Variants in KAZN observed in about 807,000 individuals in gnomAD.
The protein encoded by KAZN is kazrin, periplakin interacting protein, also known as kazrin.
Under a neutral mutation model 87.4 loss-of-function variants are expected in KAZN, and 40 were observed. The observed-to-expected ratio is 0.46, with a 90% CI of 0.36 to 0.60. The LOEUF (loss-of-function observed/expected upper bound fraction) is 0.60, where lower values mean the gene tolerates loss of function less well. Among genes scored for constraint, KAZN ranks in the 20% least tolerant of loss-of-function variants. KAZN has a pLI of 0.00. For missense variants in KAZN, 898 were observed against 1,073.9 expected (o/e 0.84, Z 2.29); for synonymous variants, 466 against 458.3 (o/e 1.02, Z -0.22).
intron 1 of KAZN, among the ~76,000 whole-genome samples, chr1:14,763,719 A>T (rs911038314): frequency 6.6e-6 from 1 of 152,036 alleles, no homozygotes; most frequent in African/African-American, 2.4e-5. Flanking sequence ...TAAGGGGGAG[A>T]TGGGATGTAG....
intron 2 of KAZN, among the ~76,000 whole-genome samples, chr1:14,335,646 A>G (rs1313148931): frequency 6.6e-6 from 1 of 152,174 alleles, no homozygotes; most frequent in African/African-American, 2.4e-5. Context: ...TATGGCCTGC[A>G]AAACTGTGAG....
At chr1:15,047,018 A>G (rs950300739) in intron 4 of KAZN, among the ~76,000 whole-genome samples, 1 of 152,132 alleles carries the variant, frequency 6.6e-6, no homozygotes, top group African/African-American at 2.4e-5. Context: ...GCGTCTGGAC[A>G]CTCAGCCTGT....
chr1:15,116,142 C>G lies in KAZN; in HGVS notation c.*1507C>G, dbSNP rs1641834828. On this transcript the variant is annotated 3_prime_UTR_variant, in exon 15 of 15. Coordinates refer to ENST00000376030, the MANE Select transcript of KAZN (RefSeq NM_201628.3). ...GACGGATGCATTGCGATTCTGCTTA[C>G]ACATCGGGTTATCAAAGCGAGTCAC... is the stretch of plus-strand genomic sequence containing the variant. 1 of 152,194 alleles carries G rather than the reference C, an allele frequency of 6.6e-6. No individual in the cohort carries two copies. The highest frequency in any genetic ancestry group is 2.4e-5 in the African/African-American group (1 of 41,432). 9.4% of individuals were successfully genotyped at this position (152,194 alleles called of 1,614,324 possible).
intron 1 of KAZN, among the ~76,000 whole-genome samples, chr1:14,641,862 G>A (rs1680431077): frequency 6.6e-6 from 1 of 152,172 alleles, no homozygotes; most frequent in Non-Finnish European, 1.5e-5. Context: ...AGAAACACTG[G>A]TAAGAGAATG....
chr1:14,733,566 C>T (rs1362107909), intron 1 of KAZN, among the ~76,000 whole-genome samples: 1 of 152,044 alleles, frequency 6.6e-6, no homozygotes, highest in Non-Finnish European at 1.5e-5. Context: ...CGGATGACCT[C>T]TCTTTCGGGG....
intron 2 of KAZN, among the ~76,000 whole-genome samples, chr1:14,305,449 G>T (rs1387976133): frequency 1.3e-5 from 2 of 152,014 alleles, no homozygotes; most frequent in Non-Finnish European, 2.9e-5. Flanking sequence ...CCCAGAAAAG[G>T]TTGGAAAAAA....
chr1:14,770,437 A>C (rs1489016619), intron 1 of KAZN, among the ~76,000 whole-genome samples: 1 of 152,174 alleles, frequency 6.6e-6, no homozygotes, highest in African/African-American at 2.4e-5. Context: ...TTGTTGATTG[A>C]CTATGAGGGA....
At chr1:13,994,875 CAA>C in intron 1 of KAZN, among the ~76,000 whole-genome samples, 1 of 9,832 alleles carries the variant, frequency 1.0e-4, no homozygotes, top group East Asian at 8.0e-4. Flanking sequence ...GCATGCTAAA[CAA>C]ACAAACAAAC....
At chr1:14,571,717 G>C (rs112401638) in intron 2 of KAZN, among the ~76,000 whole-genome samples, 1 of 152,114 alleles carries the variant, frequency 6.6e-6, no homozygotes, top group African/African-American at 2.4e-5. Context: ...GAGACTCCGG[G>C]CCAGGGTGAA....
chr1:14,401,337 G>A (rs1479927482), intron 2 of KAZN, among the ~76,000 whole-genome samples: 1 of 151,258 alleles, frequency 6.6e-6, no homozygotes, highest in Non-Finnish European at 1.5e-5. Flanking sequence ...ACAAAAGAGA[G>A]AAGACGACTA....
At chr1:14,313,431 A>G (rs1402925685) in intron 2 of KAZN, among the ~76,000 whole-genome samples, 1 of 152,172 alleles carries the variant, frequency 6.6e-6, no homozygotes, top group African/African-American at 2.4e-5. Flanking sequence ...ATGTTCATCT[A>G]TGCCATAAAA....
chr1:14,186,313 A>C (rs1646306155), intron 2 of KAZN, among the ~76,000 whole-genome samples: 2 of 152,144 alleles, frequency 1.3e-5, no homozygotes, highest in Admixed American at 1.3e-4. Context: ...CATGTAAGGA[A>C]GGTTGGGGTG....
At chr1:14,399,597 G>T (rs536970387) in intron 2 of KAZN, among the ~76,000 whole-genome samples, 1 of 152,074 alleles carries the variant, frequency 6.6e-6, no homozygotes, top group Non-Finnish European at 1.5e-5. Flanking sequence ...CGTGTACTGG[G>T]TTTAGTCACG....
chr1:14,682,074 C>A (rs537412409), intron 1 of KAZN, among the ~76,000 whole-genome samples: 6 of 151,974 alleles, frequency 3.9e-5, no homozygotes, highest in Admixed American at 1.3e-4. Flanking sequence ...ATCTCCAGAA[C>A]GTTTTTCATC....
At chr1:14,002,948 C>A (rs1368504105) in intron 1 of KAZN, among the ~76,000 whole-genome samples, 2 of 152,108 alleles carry the variant, frequency 1.3e-5, no homozygotes, top group African/African-American at 4.8e-5. Flanking sequence ...ATTCGTGGAA[C>A]CAACCCATGT....
chr1:14,166,606 C>T (rs1645831776), intron 1 of KAZN, among the ~76,000 whole-genome samples: 1 of 82,728 alleles, frequency 1.2e-5, no homozygotes, highest in Non-Finnish European at 2.1e-5. Context: ...AAATTTGGTA[C>T]TATTGTGTTA....
At chr1:14,356,169 C>G (rs893682765) in intron 2 of KAZN, among the ~76,000 whole-genome samples, 2 of 152,194 alleles carry the variant, frequency 1.3e-5, no homozygotes, top group African/African-American at 4.8e-5. Flanking sequence ...TTGCATTTCT[C>G]TCATGACCAG....
chr1:14,119,474 G>T (rs1473420421), intron 1 of KAZN, among the ~76,000 whole-genome samples: 1 of 152,128 alleles, frequency 6.6e-6, no homozygotes, highest in Non-Finnish European at 1.5e-5. Context: ...TACCACAATT[G>T]GAGCAAATGT....
At chr1:14,448,850 A>G (rs1667119359) in intron 2 of KAZN, among the ~76,000 whole-genome samples, 1 of 152,206 alleles carries the variant, frequency 6.6e-6, no homozygotes, top group Non-Finnish European at 1.5e-5. Context: ...CATGACATTC[A>G]CACGTGACTG....
Sources: gnomAD v4.1 joint callset for allele counts (sites outside exome capture counted in the v4.1 genomes callset) on GRCh38, gnomAD v4.1.1 for gene constraint, MANE v1.5 for transcripts, NCBI Gene and HGNC (gene_info 2026-07-23, HGNC 2026-07-21) for gene names.